Variants in CELA3B observed in about 807,000 individuals in gnomAD.
CELA3B encodes the protein chymotrypsin like elastase 3B.
A neutral mutation model predicts 37.2 loss-of-function variants in CELA3B; 34 were observed. The ratio of observed to expected loss-of-function variants is 0.91; its 90% CI spans 0.70 to 1.22. The LOEUF (loss-of-function observed/expected upper bound fraction) is 1.22, where lower values mean the gene tolerates loss of function less well. Ranked by LOEUF, CELA3B falls within the 50% of genes most tolerant of loss-of-function variation. The pLI, the probability that CELA3B is intolerant of heterozygous loss-of-function variation, is 0.00. For missense variants in CELA3B, 340 were observed against 363.1 expected, an observed-to-expected ratio of 0.94 and a Z score of 0.52; for synonymous variants, 127 against 143.5, an observed-to-expected ratio of 0.89 and a Z score of 0.82.
In CELA3B at chr1:21,980,710, T is replaced by G. The variant is rs186647364; in HGVS notation, c.130-114T>G. ...GCATATTTCAGTGGGTGCTCTTGTT[T>G]TCCGTGTGAATGGCGCCCTCTAGAG... On this transcript the variant is annotated intron_variant, in intron 2 of 7. Coordinates refer to ENST00000337107, the MANE Select transcript of CELA3B (RefSeq NM_007352.4). The G allele has an allele frequency of 1.8e-4, 136 of 776,500 alleles. 1 individual carries two copies. Among genetic ancestry groups the G allele is most frequent in the Non-Finnish European group, 2.7e-4 (131 of 477,358 alleles). 48.1% of individuals were successfully genotyped at this position (776,500 alleles called of 1,614,324 possible).
intron 4 of CELA3B, among the ~76,000 whole-genome samples, chr1:21,983,115 C>A (rs1557865436): frequency 1.3e-5 from 2 of 151,912 alleles, no homozygotes; most frequent in African/African-American, 4.8e-5. Flanking sequence ...TTTGGGAGGC[C>A]CAGGCGGGCA....
downstream of CELA3B, among the ~76,000 whole-genome samples, chr1:21,993,117 G>A (rs1053663838): frequency 1.3e-5 from 2 of 151,298 alleles, no homozygotes; most frequent in South Asian, 4.1e-4. Context: ...AAAATACCAA[G>A]GATAATTTTC....
In CELA3B at chr1:21,986,629, C is replaced by T. The variant is rs1376509906; in HGVS notation, c.741C>T (p.Arg247=). 2.5e-6 allele frequency: 4 copies of T among 1,613,948 alleles called. No individual in the cohort carries two copies. The highest frequency in any genetic ancestry group is 1.3e-5 in the African/African-American group (1 of 74,890). Reference sequence around the variant, plus strand: ...TTTCTGCCTTTGGCTGCAACACCCGCAGGAAGCCCACGGTGTTCACTCGAG... The same window carrying T: ...TTTCTGCCTTTGGCTGCAACACCCGTAGGAAGCCCACGGTGTTCACTCGAG... The part of the protein sequence containing the change: ...SFVSAFGCNT[R]RKPTVFTRVS... The change falls in exon 7 of 8, where the codon CGC becomes CGT. Residue 247 remains arginine, a synonymous_variant. Transcript: ENST00000337107.
At position 21,983,725 on chromosome 1, in the gene CELA3B, A is replaced by G. The variant is rs1256817966; in HGVS notation, c.394A>G (p.Ser132Gly). The G allele has an allele frequency of 1.2e-6, 2 of 1,613,886 alleles. No individual in the cohort carries two copies. The highest frequency in any genetic ancestry group is 1.7e-6 in the Non-Finnish European group (2 of 1,180,004). ...NDIALIKLSR[S>G]AQLGDAVQLA... ...CATCGCCCTCATCAAGCTCTCACGC[A>G]GCGCCCAGCTGGGAGACGCCGTCCA... The change falls in exon 5 of 8, where the codon AGC becomes GGC. Residue 132 changes from serine to glycine, a missense_variant. Transcript: ENST00000337107.
At chr1:21,997,065 A>G (rs1644893472) in intron 4 of CELA3B, among the ~76,000 whole-genome samples, 1 of 151,376 alleles carries the variant, frequency 6.6e-6, no homozygotes. Flanking sequence ...TCCAAAGTTA[A>G]AAGTTAAAGT....
intron 4 of CELA3B, among the ~76,000 whole-genome samples, chr1:21,997,327 C>T (rs1644894752): frequency 7.3e-6 from 1 of 137,724 alleles, no homozygotes; most frequent in African/African-American, 2.8e-5. Context: ...TGCCATTGCA[C>T]TCCAGTCTGG....
At chr1:21,994,656 T>G (rs1171635567) in intron 4 of CELA3B, among the ~76,000 whole-genome samples, 2 of 151,004 alleles carry the variant, frequency 1.3e-5, no homozygotes, top group East Asian at 2.0e-4. Flanking sequence ...TGCATCTCTC[T>G]TCAGCTCCCC....
chr1:21,979,832 C>T lies in CELA3B; in HGVS notation c.130-992C>T, dbSNP rs570985459. Among the ~76,000 whole-genome samples the T allele has an allele frequency of 2.8e-5, 4 of 144,882 alleles. No homozygotes were observed. In the East Asian group the frequency reaches 8.0e-4, roughly 29 times the overall value. On this transcript the variant is annotated intron_variant, in intron 2 of 7. Coordinates refer to ENST00000337107, the MANE Select transcript of CELA3B (RefSeq NM_007352.4). The stretch of plus-strand genomic sequence containing the variant: ...TTGGACAGCAAAGATATAGAACATT[C>T]CCATGATTATGGGAAGTTTTATCGG...
chr1:21,998,336 A>T (rs1355526208), exon 5 of CELA3B: 1 of 406,530 alleles, frequency 2.5e-6, no homozygotes, highest in Admixed American at 2.9e-5. Context: ...ACTGGGTTAT[A>T]TTCTGGGAGC....
At chr1:21,978,116 G>A in intron 1 of CELA3B, 1 of 449,988 alleles carries the variant, frequency 2.2e-6, no homozygotes. Flanking sequence ...TGTTCTAAGT[G>A]TATCAAGCTC....
chr1:21,986,501 C>G lies in CELA3B; in HGVS notation c.643-30C>G. 12 of 1,609,580 alleles carry G rather than the reference C, an allele frequency of 7.5e-6. 1 individual carries two copies. The highest frequency in any genetic ancestry group is 1.0e-5 in the Non-Finnish European group (12 of 1,179,038). On this transcript the variant is annotated intron_variant, in intron 6 of 7. Transcript: ENST00000337107. Reference sequence around the variant, plus strand: ...AGTTCCATAAACCTCAGACATGGCTCAGCCACCCACACCTCTCTGACGGTT... The same window carrying G: ...AGTTCCATAAACCTCAGACATGGCTGAGCCACCCACACCTCTCTGACGGTT...
chr1:21,997,672 A>G (rs1644896687), intron 4 of CELA3B, among the ~76,000 whole-genome samples: 1 of 146,742 alleles, frequency 6.8e-6, no homozygotes. Context: ...CTGGGGGACA[A>G]GAGTGAGACT....
intron 4 of CELA3B, among the ~76,000 whole-genome samples, chr1:21,994,862 C>T (rs536325580): frequency 1.1e-4 from 17 of 150,138 alleles, no homozygotes; most frequent in African/African-American, 1.5e-4. Flanking sequence ...ATTAGCTGGG[C>T]GTGGTGGTGC....
intron 2 of CELA3B, among the ~76,000 whole-genome samples, chr1:21,980,520 C>A (rs1644797822): frequency 6.6e-6 from 1 of 150,678 alleles, no homozygotes; most frequent in Non-Finnish European, 1.5e-5. Context: ...CGTGATAGAA[C>A]AGAGGGCCTT....
chr1:21,989,124 G>A (rs1468084911), intron 7 of CELA3B, 138 bp from the exon 8 acceptor site: 1 of 1,528,162 alleles, frequency 6.5e-7, no homozygotes, highest in East Asian at 2.3e-5. Flanking sequence ...ACTACATAGA[G>A]GAGGAAACTG....
In CELA3B at chr1:21,978,426, A is replaced by T. The variant is rs760991248; in HGVS notation, c.101A>T (p.Asp34Val). Residue 34 changes from aspartate (D) to valine (V), a missense_variant, in exon 2 of 8, where the codon GAT becomes GTT. Transcript: ENST00000337107. ...TCCAGCCGCGTTGTCAATGGTGAGGATGCGGTCCCCTACAGCTGGCCCTGG... is the reference window on the plus strand; with the variant it reads ...TCCAGCCGCGTTGTCAATGGTGAGGTTGCGGTCCCCTACAGCTGGCCCTGG... ...RPSSRVVNGE[D>V]AVPYSWPWQV... 5.6e-6 allele frequency: 9 copies of T among 1,614,010 alleles called. No individual in the cohort carries two copies. Among genetic ancestry groups the T allele is most frequent in the Middle Eastern group, 1.7e-4 (1 of 6,056 alleles).
Position 21,984,273 on chromosome 1 carries a change from G to T in CELA3B, c.584G>T (p.Gly195Val), listed in dbSNP as rs781074394. 15 of 1,614,064 alleles carry T rather than the reference G, an allele frequency of 9.3e-6. No homozygotes were observed. Among genetic ancestry groups the T allele is most frequent in the Admixed American group, 1.7e-5 (1 of 59,992 alleles). Reference sequence around the variant, plus strand: ...CACTGCTCCAGGTGGAACTGGTGGGGTTCCTCCGTGAAGAAGACCATGGTG... The same window carrying T: ...CACTGCTCCAGGTGGAACTGGTGGGTTTCCTCCGTGAAGAAGACCATGGTG... ...YEHCSRWNWW[G>V]SSVKKTMVCA... Residue 195 changes from glycine (G) to valine (V), a missense_variant, in exon 6 of 8, where the codon GGT (glycine) becomes GTT (valine). Gly to Val is a moderately radical substitution (Grantham distance 109, BLOSUM62 -3). Transcript: ENST00000337107.
rs1437056882 is a variant in CELA3B at position 21,983,802 on chromosome 1, C to T, written c.471C>T (p.Cys157=). 6.2e-7 allele frequency: 1 copy of T among 1,613,976 alleles called. No homozygotes were observed. Among genetic ancestry groups the T allele is most frequent in the African/African-American group, 1.3e-5 (1 of 74,924 alleles). Residue 157 remains cysteine (C), a synonymous_variant, in exon 5 of 8, where the codon TGC becomes TGT. Transcript: ENST00000337107. ...ACATCCTTCCCAACGAGACACCCTG[C>T]TACATCACCGGCTGGGGCCGTCTCT... ...AGDILPNETP[C]YITGWGRLYT...
chr1:21,998,002 A>T (rs1198399030), intron 4 of CELA3B: 1 of 389,250 alleles, frequency 2.6e-6, no homozygotes, highest in Admixed American at 3.1e-5. Flanking sequence ...ATTTTATAAA[A>T]CAATGTAGTT....
Sources: gnomAD v4.1 joint callset for allele counts (sites outside exome capture counted in the v4.1 genomes callset) on GRCh38, gnomAD v4.1.1 for gene constraint, MANE v1.5 for transcripts, NCBI Gene and HGNC (gene_info 2026-07-23, HGNC 2026-07-21) for gene names.